The following INTS2 variants were observed in gnomAD, a reference collection of about 807,000 sequenced individuals.
The protein encoded by INTS2 is KIAA1287.
INTS2 carries 57 observed loss-of-function variants against 139.6 expected under a neutral mutation model. The observed-to-expected ratio is 0.41, with a 90% CI of 0.33 to 0.51. The LOEUF is 0.51. Among genes scored for constraint, INTS2 ranks in the 20% least tolerant of loss-of-function variants. The pLI is 0.28. For synonymous variants in INTS2, 473 were observed against 493.4 expected, an observed-to-expected ratio of 0.96 and a Z score of 0.55; for missense variants, 1,196 against 1,436.7, an observed-to-expected ratio of 0.83 and a Z score of 2.71.
chr17:61,906,977 A>AC (rs2143079267), intron 8 of INTS2, among the ~76,000 whole-genome samples: 1 of 151,652 alleles, frequency 6.6e-6, no homozygotes, highest in South Asian at 2.1e-4. Flanking sequence ...AAAAAAAAAA[A>AC]AAAAAAACAT....
intron 11 of INTS2, among the ~76,000 whole-genome samples, chr17:61,896,239 C>CAAAAAA (rs1197473910): frequency 1.1e-4 from 5 of 45,054 alleles, no homozygotes; most frequent in East Asian, 9.4e-4. Flanking sequence ...GACTCCATCT[C>CAAAAAA]AAAAAAAAAA....
intron 2 of INTS2, 48 bp downstream of exon 2, chr17:61,926,304 C>G: frequency 7.0e-7 from 1 of 1,422,778 alleles, no homozygotes; most frequent in African/African-American, 1.4e-5. Context: ...ATCTGATTCC[C>G]TGTTCTTTGT....
chr17:61,867,533 C>T lies in INTS2; in HGVS notation c.*24G>A, dbSNP rs373259898. 6.4e-5 allele frequency: 99 copies of T among 1,536,254 alleles called. No homozygotes were observed. The African/African-American group carries it at 1.3e-3, about 21-fold the overall frequency. ...CATGTTGGGTATATGCAGCAAACAA[C>T]TTTTTGTTGTTTTAAATTTTGTTTT... On this transcript the variant is annotated 3_prime_UTR_variant, in exon 25 of 25. Coordinates refer to ENST00000251334, the MANE Select transcript of INTS2 (RefSeq NM_001351695.2). This position sits in a 1 kb window ranked among gnomAD's most constrained non-coding sequence, Gnocchi z 5.6.
intron 9 of INTS2, among the ~76,000 whole-genome samples, chr17:61,900,001 T>G (rs959334471): frequency 6.6e-6 from 1 of 151,890 alleles, no homozygotes; most frequent in Non-Finnish European, 1.5e-5. Context: ...AAAGAATTCA[T>G]GTACCTAATT....
At chr17:61,874,666 T>A (rs886882051) in intron 19 of INTS2, among the ~76,000 whole-genome samples, 2 of 152,160 alleles carry the variant, frequency 1.3e-5, no homozygotes, top group African/African-American at 4.8e-5. Flanking sequence ...CCACTATTTG[T>A]GGCACCAAAA....
Position 61,904,592 on chromosome 17 carries a change from A to G in INTS2, c.1182-7T>C. 1 of 1,606,294 alleles carries G rather than the reference A, an allele frequency of 6.2e-7. No individual in the cohort carries two copies. Among genetic ancestry groups the G allele is most frequent in the South Asian group, 1.1e-5 (1 of 89,256 alleles). ...AGCTTCTTCTTCAGTTGGTCTAAAA[A>G]GGAATACATCATTAGGCTTTACATT... is the stretch of plus-strand genomic sequence containing the variant. On this transcript the variant is annotated splice_region_variant and splice_polypyrimidine_tract_variant and intron_variant, in intron 8 of 24. Transcript: ENST00000251334.
chr17:61,927,766 A>C lies in INTS2; in HGVS notation c.-131T>G. On this transcript the variant is annotated 5_prime_UTR_variant, in exon 1 of 25. Coordinates refer to ENST00000251334, the MANE Select transcript of INTS2 (RefSeq NM_001351695.2). The stretch of plus-strand genomic sequence containing the variant: ...GATGTTGGGCCTAGGCGATATCCGG[A>C]ACCCCAAACCCTAGTTGTGCCTCGA... 6.4e-7 allele frequency: 1 copy of C among 1,554,944 alleles called. No homozygotes were observed. The highest frequency in any genetic ancestry group is 8.7e-7 in the Non-Finnish European group (1 of 1,152,080).
In INTS2 at chr17:61,927,923, T is replaced by C. The variant is rs1326123748; in HGVS notation, c.-288A>G. The C allele has an allele frequency of 6.2e-7, 1 of 1,613,834 alleles. No homozygotes were observed. The highest frequency in any genetic ancestry group is 1.3e-5 in the African/African-American group (1 of 74,918). ...GGAAAAGCGGGAGACTTTTTCAACCTGCACCCAGCACCTTCATTCATCCCC... is the reference window on the plus strand; with the variant it reads ...GGAAAAGCGGGAGACTTTTTCAACCCGCACCCAGCACCTTCATTCATCCCC... On this transcript the variant is annotated 5_prime_UTR_variant, in exon 1 of 25. Transcript: ENST00000251334.
intron 3 of INTS2, among the ~76,000 whole-genome samples, chr17:61,922,511 CATATATATATATATATATATATATAT>C (rs60100593): frequency 5.2e-4 from 38 of 73,218 alleles, no homozygotes; most frequent in Non-Finnish European, 8.4e-4. Context: ...AACAAACAAA[CATATATATATATATATATATATATAT>C]ATATATATAC....
At chr17:61,895,243 G>T (rs2079335253) in intron 12 of INTS2, 72 bp downstream of exon 12, 2 of 781,778 alleles carry the variant, frequency 2.6e-6, no homozygotes, top group Non-Finnish European at 4.1e-6. Context: ...CTTAAGGTAA[G>T]ACACACAAGT....
chr17:61,924,062 A>G (rs891117254), intron 3 of INTS2, among the ~76,000 whole-genome samples: 1 of 152,212 alleles, frequency 6.6e-6, no homozygotes, highest in Non-Finnish European at 1.5e-5. Flanking sequence ...ATAATTTTAC[A>G]AAGAAGATAA....
chr17:61,901,992 A>T (rs2079411866), intron 9 of INTS2, among the ~76,000 whole-genome samples: 1 of 152,062 alleles, frequency 6.6e-6, no homozygotes, highest in Admixed American at 6.5e-5. Flanking sequence ...CATCTGATTG[A>T]TAGTTTGATG....
chr17:61,884,786 C>A (rs2079210384), intron 16 of INTS2, 115 bp downstream of exon 16: 2 of 689,050 alleles, frequency 2.9e-6, no homozygotes, highest in South Asian at 1.8e-5. Flanking sequence ...AGAGGAATTT[C>A]ACTCTTGAAC....
At chr17:61,889,746 A>C (rs2079270214) in intron 15 of INTS2, 40 bp downstream of exon 15, 3 of 989,630 alleles carry the variant, frequency 3.0e-6, no homozygotes, top group Non-Finnish European at 4.6e-6. Context: ...AGCTAATAAA[A>C]TAAACTACCA....
intron 9 of INTS2, among the ~76,000 whole-genome samples, chr17:61,899,122 G>A (rs975653808): frequency 1.3e-5 from 2 of 152,224 alleles, no homozygotes; most frequent in Non-Finnish European, 2.9e-5. Flanking sequence ...GTAGTAGAAA[G>A]ATTACAGCCT....
chr17:61,872,552 G>A lies in INTS2; in HGVS notation c.2583-92C>T. 1 of 813,296 alleles carries A rather than the reference G, an allele frequency of 1.2e-6. No homozygotes were observed. The highest frequency in any genetic ancestry group is 2.9e-5 in the Admixed American group (1 of 34,798). 50.4% of individuals were successfully genotyped at this position (813,296 alleles called of 1,614,324 possible). A position where few individuals can be genotyped will look rare whatever the true frequency, so the allele number is the denominator to read the frequency against. The stretch of plus-strand genomic sequence containing the variant: ...ATGATCAATTTAGTTTAAATGCTGA[G>A]AAAAACCTGAGTAGTACATACTAAC... On this transcript the variant is annotated intron_variant, in intron 19 of 24. Coordinates refer to ENST00000251334, the MANE Select transcript of INTS2 (RefSeq NM_001351695.2). The surrounding 1 kb of genome is among the most constrained non-coding windows in gnomAD (Gnocchi z 4.8).
chr17:61,881,884 T>C (rs550803899), intron 16 of INTS2, among the ~76,000 whole-genome samples: 216 of 152,286 alleles, frequency 1.4e-3, no homozygotes, highest in Non-Finnish European at 2.5e-3. Flanking sequence ...CCACCCAACA[T>C]AACAGTCTCC....
chr17:61,899,389 T>G (rs2079382152), intron 9 of INTS2, among the ~76,000 whole-genome samples: 1 of 152,104 alleles, frequency 6.6e-6, no homozygotes, highest in Non-Finnish European at 1.5e-5. Flanking sequence ...CAGCTGGGAT[T>G]ACAGGTGCCC....
intron 8 of INTS2, among the ~76,000 whole-genome samples, chr17:61,904,985 C>T (rs914741775): frequency 1.3e-5 from 2 of 149,020 alleles, no homozygotes; most frequent in South Asian, 2.1e-4. Context: ...CTTGCTCCAT[C>T]GCCCAGGCTG....
Sources: allele counts gnomAD v4.1 joint callset (sites outside exome capture counted in the v4.1 genomes callset), GRCh38; gene constraint gnomAD v4.1.1; non-coding constraint Gnocchi (gnomAD v3.1); transcripts MANE v1.5; gene names NCBI Gene and HGNC (gene_info 2026-07-23, HGNC 2026-07-21).